PRDM5: variants seen among roughly 807,000 people sequenced by gnomAD.
PRDM5 encodes PR domain zinc finger protein 5.
In PRDM5, 56 loss-of-function variants were observed where a neutral mutation model predicts 81.2. The observed-to-expected ratio is 0.69, with a 90% confidence interval of 0.56 to 0.86. The LOEUF (loss-of-function observed/expected upper bound fraction) is 0.86. Among genes scored for constraint, PRDM5 ranks in the 40% least tolerant of loss-of-function variants. The pLI is 0.00. For synonymous variants in PRDM5, 267 were observed against 256.4 expected, an observed-to-expected ratio of 1.04 and a Z score of -0.39; for missense variants, 697 against 770.1, an observed-to-expected ratio of 0.91 and a Z score of 1.12.
rs1553958105 is a variant in PRDM5 at position 120,750,719 on chromosome 4, C to CACAT, written c.1623+3833_1623+3834insATGT. Among the ~76,000 whole-genome samples the CACAT allele has an allele frequency of 9.9e-5, 13 of 131,484 alleles. 1 individual carries two copies. Among genetic ancestry groups the CACAT allele is most frequent in the Non-Finnish European group, 2.1e-4 (12 of 57,244 alleles). The allele number at this position is 131,484 out of a possible 152,430, so 86.3% of individuals were successfully genotyped here. A position where few individuals can be genotyped will look rare whatever the true frequency, so the allele number is the denominator to read the frequency against. ...ACACACACACACACACACACACACA[C>CACAT]GCGCACACAAAACAGACATTCAATC... On this transcript the variant is annotated intron_variant, in intron 14 of 15. Coordinates refer to ENST00000264808, the MANE Select transcript of PRDM5 (RefSeq NM_018699.4).
At chr4:120,687,820 G>C (rs987472884), downstream of PRDM5, among the ~76,000 whole-genome samples, 3 of 152,030 alleles carry the variant, frequency 2.0e-5, no homozygotes, top group Non-Finnish European at 4.4e-5. Flanking sequence ...CTTTTCTCTT[G>C]TGCCCTTTCA....
At chr4:120,857,144 G>A (rs1759969714) in intron 2 of PRDM5, among the ~76,000 whole-genome samples, 1 of 152,142 alleles carries the variant, frequency 6.6e-6, no homozygotes, top group African/African-American at 2.4e-5. Flanking sequence ...TCACCTGAGG[G>A]TAGGAGTTTG....
At chr4:120,916,325 T>C (rs562081864) in intron 1 of PRDM5, among the ~76,000 whole-genome samples, 76 of 152,130 alleles carry the variant, frequency 5.0e-4, no homozygotes, top group South Asian at 4.2e-3. Context: ...AGGCAAAGGT[T>C]GCAGTGAGCT....
In PRDM5 at chr4:120,887,879, G is replaced by A. The variant is rs1212165387; in HGVS notation, c.177+19595C>T. ...GCAATCTCGGCTCACTGCAAGCTCC[G>A]CCTCCCGGGTTCACGCCATTCTCCT... On this transcript the variant is annotated intron_variant, in intron 2 of 15. Transcript: ENST00000264808. Among the ~76,000 whole-genome samples the A allele has an allele frequency of 2.3e-4, 12 of 52,684 alleles. 3 individuals carry two copies. The highest frequency in any genetic ancestry group is 1.9e-3 in the African/African-American group (10 of 5,228). The allele number at this position is 52,684 out of a possible 152,430, so 34.6% of individuals were successfully genotyped here.
chr4:120,752,880 G>A (rs1401367698), intron 14 of PRDM5, among the ~76,000 whole-genome samples: 2 of 152,116 alleles, frequency 1.3e-5, no homozygotes, highest in African/African-American at 2.4e-5. Flanking sequence ...GTACTGGCAT[G>A]TAATTAGTGA....
At chr4:120,702,199 C>T (rs538672343) in intron 15 of PRDM5, among the ~76,000 whole-genome samples, 65 of 152,330 alleles carry the variant, frequency 4.3e-4, no homozygotes, top group African/African-American at 1.5e-3. Context: ...CTTCACATAA[C>T]AGTTGAAATG....
chr4:120,897,600 T>C (rs1231508424), intron 2 of PRDM5, among the ~76,000 whole-genome samples: 3 of 152,202 alleles, frequency 2.0e-5, no homozygotes. Flanking sequence ...GTCCTAACAT[T>C]ACAGATGTAT....
intron 14 of PRDM5, among the ~76,000 whole-genome samples, chr4:120,727,419 A>G (rs149400411): frequency 0.021 from 3,249 of 152,282 alleles, 49 homozygotes; most frequent in Non-Finnish European, 0.032. Context: ...GTCCTGGGAA[A>G]GCCTCTAGAA....
chr4:120,905,218 T>C (rs1251120796), intron 2 of PRDM5, among the ~76,000 whole-genome samples: 1 of 152,214 alleles, frequency 6.6e-6, no homozygotes, highest in Non-Finnish European at 1.5e-5. Flanking sequence ...TGAAGAAACC[T>C]TTCAGAATCC....
At chr4:120,902,221 G>C (rs4639096) in intron 2 of PRDM5, among the ~76,000 whole-genome samples, 129,466 of 152,226 alleles carry the variant, frequency 0.85, 55,257 homozygotes, top group South Asian at 0.91. Flanking sequence ...GGTCAGAACA[G>C]GTAGCAAGGA....
chr4:120,789,764 T>C (rs565075645), intron 10 of PRDM5, among the ~76,000 whole-genome samples: 1 of 152,270 alleles, frequency 6.6e-6, no homozygotes, highest in Admixed American at 6.5e-5. Context: ...ACAAAATAAA[T>C]TGAAACTGGA....
At chr4:120,707,398 A>C (rs1309612999) in intron 15 of PRDM5, among the ~76,000 whole-genome samples, 1 of 152,010 alleles carries the variant, frequency 6.6e-6, no homozygotes, top group East Asian at 1.9e-4. Flanking sequence ...TGATTAAAAA[A>C]ATCCCTCAGA....
At chr4:120,922,011 C>A (rs554351551) in intron 1 of PRDM5, among the ~76,000 whole-genome samples, 31 of 152,308 alleles carry the variant, frequency 2.0e-4, no homozygotes, top group Admixed American at 1.4e-3. Context: ...CGTGGAGCGG[C>A]GCTCTGGGCT....
At chr4:120,839,701 TC>T (rs1236513773) in intron 3 of PRDM5, among the ~76,000 whole-genome samples, 4 of 152,152 alleles carry the variant, frequency 2.6e-5, no homozygotes, top group African/African-American at 9.7e-5. Context: ...AGGTGGGGCC[TC>T]ACCGGGTACC....
intron 3 of PRDM5, among the ~76,000 whole-genome samples, chr4:120,846,178 A>G (rs767547798): frequency 4.6e-5 from 7 of 152,244 alleles, no homozygotes; most frequent in Non-Finnish European, 8.8e-5. Context: ...AGAATTTCAA[A>G]TATGACATAA....
intron 3 of PRDM5, among the ~76,000 whole-genome samples, chr4:120,839,762 G>A (rs1757778986): frequency 6.6e-6 from 1 of 152,176 alleles, no homozygotes; most frequent in Non-Finnish European, 1.5e-5. Context: ...CCTCCATGGA[G>A]CCCAGGTGCT....
chr4:120,783,910 A>T (rs3804171), intron 11 of PRDM5, among the ~76,000 whole-genome samples: 30,234 of 151,980 alleles, frequency 0.2, 3,658 homozygotes, highest in Non-Finnish European at 0.28. Context: ...CCAGAGGAAA[A>T]TTCTCCAAGA....
At chr4:120,862,758 G>A (rs555308884) in intron 2 of PRDM5, among the ~76,000 whole-genome samples, 2 of 152,324 alleles carry the variant, frequency 1.3e-5, no homozygotes, top group South Asian at 4.1e-4. Context: ...ATCCTAGGGA[G>A]AAGGCATCTA....
chr4:120,758,271 C>T (rs983411709), intron 13 of PRDM5, among the ~76,000 whole-genome samples: 1 of 152,058 alleles, frequency 6.6e-6, no homozygotes, highest in Non-Finnish European at 1.5e-5. Context: ...AACCCTAATA[C>T]AATATTACTC....
Sources: gnomAD v4.1 joint callset for allele counts (sites outside exome capture counted in the v4.1 genomes callset) on GRCh38, gnomAD v4.1.1 for gene constraint, MANE v1.5 for transcripts, NCBI Gene and HGNC (gene_info 2026-07-23, HGNC 2026-07-21) for gene names.